Variants in TRPC4AP observed in about 807,000 individuals in gnomAD.
The protein encoded by TRPC4AP is short transient receptor potential channel 4-associated protein.
TRPC4AP carries 45 observed loss-of-function variants against 99.0 expected under a neutral mutation model. That is an observed-to-expected ratio of 0.45 (90% CI 0.36 to 0.58). The LOEUF (loss-of-function observed/expected upper bound fraction) is 0.58. Among genes scored for constraint, TRPC4AP ranks in the 20% least tolerant of loss-of-function variants. The pLI, the probability that TRPC4AP is intolerant of heterozygous loss-of-function variation, is 0.00. For synonymous variants in TRPC4AP, 408 were observed against 385.8 expected (o/e 1.06, Z -0.67); for missense variants, 879 against 985.3 (o/e 0.89, Z 1.44).
chr20:35,060,049 A>G (rs2083957111), intron 3 of TRPC4AP, among the ~76,000 whole-genome samples: 1 of 152,198 alleles, frequency 6.6e-6, no homozygotes, highest in African/African-American at 2.4e-5. Context: ...CCCATAAAGA[A>G]AAACCTTGGA....
At chr20:35,087,056 G>A (rs1399287262) in intron 1 of TRPC4AP, among the ~76,000 whole-genome samples, 3 of 146,208 alleles carry the variant, frequency 2.1e-5, no homozygotes, top group East Asian at 2.1e-4. Context: ...TCAGCCAGGC[G>A]CAGTGGCTCA....
At chr20:35,086,107 C>T (rs1444254606) in intron 1 of TRPC4AP, among the ~76,000 whole-genome samples, 2 of 150,758 alleles carry the variant, frequency 1.3e-5, no homozygotes, top group Non-Finnish European at 3.0e-5. Flanking sequence ...CAGGCACGCA[C>T]CACCACGCCC....
intron 8 of TRPC4AP, among the ~76,000 whole-genome samples, chr20:35,021,630 T>C (rs1248694644): frequency 6.6e-6 from 1 of 152,018 alleles, no homozygotes; most frequent in Non-Finnish European, 1.5e-5. Context: ...ACATGACCCA[T>C]CCCTCCCTGC....
In TRPC4AP at chr20:35,083,504, G is replaced by A. The variant is rs960859028; in HGVS notation, c.169-5330C>T. Among the ~76,000 whole-genome samples, 20 of 151,846 alleles carry A rather than the reference G, an allele frequency of 1.3e-4. No homozygotes were observed. The East Asian group carries it at 3.9e-3, about 29-fold the overall frequency. ...GGCGCCTGTAATCCCAGCTACTAGG[G>A]GAGGCTGAGGCAGGAGAATCGCTTG... is the stretch of plus-strand genomic sequence containing the variant. On this transcript the variant is annotated intron_variant, in intron 1 of 18. Transcript: ENST00000252015.
intron 3 of TRPC4AP, among the ~76,000 whole-genome samples, chr20:35,068,347 G>C (rs1189428570): frequency 6.6e-6 from 1 of 152,084 alleles, no homozygotes; most frequent in Non-Finnish European, 1.5e-5. Flanking sequence ...GTAAACTTCA[G>C]ATTTATAAAC....
intron 3 of TRPC4AP, among the ~76,000 whole-genome samples, chr20:35,068,978 C>CACACAA (rs748790693): frequency 2.3e-4 from 22 of 95,190 alleles, no homozygotes; most frequent in Middle Eastern, 5.1e-3. Context: ...CACACACACA[C>CACACAA]AAAAAAAACA....
At chr20:35,026,524 G>T (rs769523796) in intron 8 of TRPC4AP, among the ~76,000 whole-genome samples, 9 of 152,092 alleles carry the variant, frequency 5.9e-5, no homozygotes, top group Non-Finnish European at 1.5e-5. Context: ...CCTAGTTCAA[G>T]ACTGTTTTTG....
At chr20:35,008,586 G>T in intron 13 of TRPC4AP, 78 bp downstream of exon 13, 1 of 1,259,120 alleles carries the variant, frequency 7.9e-7, no homozygotes, top group Non-Finnish European at 1.1e-6. Flanking sequence ...GGTGACTAAA[G>T]GAGGTATTCC....
In TRPC4AP at chr20:35,019,991, C is replaced by T. The variant is rs550043034; in HGVS notation, c.1218+1199G>A. On this transcript the variant is annotated intron_variant, in intron 9 of 18. Coordinates refer to ENST00000252015, the MANE Select transcript of TRPC4AP (RefSeq NM_015638.3). ...AGCCTGCTCCTCCACCCCTTACCTG[C>T]TAGTCTTAACCACCTCAATACCTGG... Among the ~76,000 whole-genome samples, 3 of 152,286 alleles carry T rather than the reference C, an allele frequency of 2.0e-5. No homozygotes were observed. In the South Asian group the frequency reaches 6.2e-4, roughly 32 times the overall value.
At chr20:35,087,972 T>C (rs971298638) in intron 1 of TRPC4AP, among the ~76,000 whole-genome samples, 2 of 152,166 alleles carry the variant, frequency 1.3e-5, no homozygotes, top group African/African-American at 4.8e-5. Context: ...CATACTAAGT[T>C]TGAGATGCCC....
At chr20:35,069,844 A>G (rs1288604300) in intron 2 of TRPC4AP, among the ~76,000 whole-genome samples, 1 of 152,168 alleles carries the variant, frequency 6.6e-6, no homozygotes, top group Non-Finnish European at 1.5e-5. Context: ...AGGAATTTGA[A>G]GTACAAGAAG....
intron 1 of TRPC4AP, among the ~76,000 whole-genome samples, chr20:35,080,546 A>C (rs1013684749): frequency 6.6e-6 from 1 of 150,552 alleles, no homozygotes. Context: ...AAAAAAAAAA[A>C]AAAAAAAAAA....
chr20:35,035,966 A>C (rs2083307582), intron 7 of TRPC4AP, among the ~76,000 whole-genome samples: 1 of 152,236 alleles, frequency 6.6e-6, no homozygotes, highest in South Asian at 2.1e-4. Context: ...AATACAAACA[A>C]TTCTCTTAAA....
intron 1 of TRPC4AP, among the ~76,000 whole-genome samples, chr20:35,089,839 C>A (rs2084997463): frequency 6.6e-6 from 1 of 151,892 alleles, no homozygotes; most frequent in Non-Finnish European, 1.5e-5. Context: ...GAGCGAGACT[C>A]CGTCTAAAAA....
chr20:35,049,901 C>T lies in TRPC4AP; in HGVS notation c.622G>A (p.Ala208Thr), dbSNP rs1442821205. 1.9e-6 allele frequency: 3 copies of T among 1,613,822 alleles called. No homozygotes were observed. The African/African-American group carries it at 4.0e-5, about 22-fold the overall frequency. Residue 208 changes from alanine (A) to threonine (T), a missense_variant, in exon 6 of 19, where the codon GCA (alanine) becomes ACA (threonine). Transcript: ENST00000252015. ...CCCAAAATATCTTCAATGAGGGTTG[C>T]TGTTTGTAAGAATGTCTTCTTACTT... ...MTSKKTFLQT[A>T]TLIEDILGVK...
intron 1 of TRPC4AP, among the ~76,000 whole-genome samples, chr20:35,080,586 A>G (rs1294314379): frequency 6.6e-6 from 1 of 151,728 alleles, no homozygotes; most frequent in East Asian, 1.9e-4. Flanking sequence ...AAAAGGCCAT[A>G]TATTGTCTGA....
chr20:35,044,459 G>T (rs981701571), intron 7 of TRPC4AP, 46 bp downstream of exon 7: 1 of 1,525,254 alleles, frequency 6.6e-7, no homozygotes, highest in Non-Finnish European at 9.0e-7. Flanking sequence ...TTTAGTAAGG[G>T]CCTCAGAGCT....
At chr20:35,086,529 G>GTATATATATATA (rs1203240787) in intron 1 of TRPC4AP, among the ~76,000 whole-genome samples, 2 of 22,854 alleles carry the variant, frequency 8.8e-5, no homozygotes, top group African/African-American at 7.7e-4. Context: ...GTATATATGT[G>GTATATATATATA]TGTGTGTGTG....
chr20:35,075,548 T>C (rs2084453899), intron 2 of TRPC4AP, among the ~76,000 whole-genome samples: 1 of 152,248 alleles, frequency 6.6e-6, no homozygotes, highest in Non-Finnish European at 1.5e-5. Flanking sequence ...AAACTCTGGG[T>C]TGAAAATTCT....
Sources: gnomAD v4.1 joint callset for allele counts (sites outside exome capture counted in the v4.1 genomes callset) on GRCh38, gnomAD v4.1.1 for gene constraint, MANE v1.5 for transcripts, NCBI Gene and HGNC (gene_info 2026-07-23, HGNC 2026-07-21) for gene names.